The following SYNE4 variants were observed in gnomAD, a reference collection of about 807,000 sequenced individuals.
SYNE4 encodes spectrin repeat containing nuclear envelope family member 4, also known as nesprin-4.
Under a neutral mutation model 46.9 loss-of-function variants are expected in SYNE4, and 41 were observed. That is an observed-to-expected ratio of 0.87 (90% confidence interval 0.68 to 1.13). The LOEUF is 1.13. Among genes scored for constraint, SYNE4 ranks in the 50% most tolerant of loss-of-function variants. SYNE4 has a pLI of 0.00. For synonymous variants in SYNE4, 221 were observed against 219.5 expected (o/e 1.01, Z -0.06); for missense variants, 492 against 514.8 (o/e 0.96, Z 0.43).
At position 36,006,652 on chromosome 19, in the gene SYNE4, G is replaced by C; in HGVS notation, c.638C>G (p.Thr213Arg). ...CTCGACCTCCAAGTCCTGGTCCAGC[G>C]TGTTGGCCTCCTCGAACACCTGGGT... is the stretch of plus-strand genomic sequence containing the variant. ...SYSLVFEEAN[T>R]LDQDLEVEGD... Residue 213 changes from threonine (T) to arginine (R), a missense_variant, in exon 5 of 8, where the codon ACG becomes AGG. By Grantham distance (71) the Thr-to-Arg change is moderately conservative. Coordinates refer to ENST00000324444, the MANE Select transcript of SYNE4 (RefSeq NM_001039876.3). The C allele has an allele frequency of 6.2e-7, 1 of 1,603,300 alleles. No homozygotes were observed. Among genetic ancestry groups the C allele is most frequent in the Non-Finnish European group, 8.5e-7 (1 of 1,173,072 alleles).
chr19:36,006,605 G>C lies in SYNE4; in HGVS notation c.685C>G (p.Pro229Ala). Residue 229 changes from proline (P) to alanine (A), a missense_variant, in exon 5 of 8, where the codon CCT becomes GCT. By Grantham distance (27) the Pro-to-Ala change is conservative (BLOSUM62 -1). Transcript: ENST00000324444. ...GCCCAGGGCCCCCAGACCCCACCAG[G>C]TCCTGGCCAGTCCGAGTCTCCCTCG... ...EVEGDSDWPG[P>A]GGVWGPWAPS... 1 of 1,609,494 alleles carries C rather than the reference G, an allele frequency of 6.2e-7. No individual in the cohort carries two copies. Among genetic ancestry groups the C allele is most frequent in the Non-Finnish European group, 8.5e-7 (1 of 1,177,998 alleles).
Position 36,006,497 on chromosome 19 carries a change from T to C in SYNE4, c.793A>G (p.Thr265Ala), listed in dbSNP as rs1390130476. 1.2e-6 allele frequency: 2 copies of C among 1,611,590 alleles called. No homozygotes were observed. The highest frequency in any genetic ancestry group is 1.7e-6 in the Non-Finnish European group (2 of 1,179,006). Reference sequence around the variant, plus strand: ...CAGGGCACTCCTAGTGTCCGGGCTGTCTTTTGTCCCAAGGGCCCAAGGCCC... The same window carrying C: ...CAGGGCACTCCTAGTGTCCGGGCTGCCTTTTGTCCCAAGGGCCCAAGGCCC... ...IGGLGPLGQK[T>A]ARTLGVPCEL... The change falls in exon 5 of 8, where the codon ACA becomes GCA. Residue 265 changes from threonine to alanine, a missense_variant. By Grantham distance (58) the Thr-to-Ala change is moderately conservative (BLOSUM62 0). Coordinates refer to ENST00000324444, the MANE Select transcript of SYNE4 (RefSeq NM_001039876.3).
intron 5 of SYNE4, 115 bp downstream of exon 5, chr19:36,006,308 G>T: frequency 7.5e-7 from 1 of 1,339,538 alleles, no homozygotes; most frequent in Non-Finnish European, 1.0e-6. Context: ...GACAGAGATA[G>T]AGGGGGAGAC....
chr19:36,005,643 C>T, intron 5 of SYNE4: 6 of 549,692 alleles, frequency 1.1e-5, no homozygotes, highest in Non-Finnish European at 1.9e-5. Context: ...GTTCTAGGAG[C>T]TGAGGACACA....
chr19:36,005,469 T>C, intron 5 of SYNE4, 32 bp from the exon 6 acceptor site: 4 of 1,606,646 alleles, frequency 2.5e-6, no homozygotes, highest in Non-Finnish European at 3.4e-6. Flanking sequence ...AAAACGTGGT[T>C]GGGGGAGGGC....
chr19:36,004,228 G>T (rs1358751052), intron 6 of SYNE4, among the ~76,000 whole-genome samples: 1 of 152,158 alleles, frequency 6.6e-6, no homozygotes, highest in African/African-American at 2.4e-5. Flanking sequence ...TCACCATGTT[G>T]CTCAGGCTGG....
At chr19:36,008,145 T>A (rs1167727250) in intron 2 of SYNE4, 72 bp downstream of exon 2, 9 of 1,506,728 alleles carry the variant, frequency 6.0e-6, no homozygotes, top group Non-Finnish European at 4.4e-6. Flanking sequence ...CGGTCCTCAG[T>A]ATGGAGGCCA....
rs1184003675 is a variant in SYNE4, at chr19:36,007,126, T to C, written c.422A>G (p.Gln141Arg). 2 of 1,598,612 alleles carry C rather than the reference T, an allele frequency of 1.3e-6. No individual in the cohort carries two copies. Among genetic ancestry groups the C allele is most frequent in the Admixed American group, 1.7e-5 (1 of 58,404 alleles). The change falls in exon 3 of 8, where the codon CAG becomes CGG. Residue 141 changes from glutamine to arginine, a missense_variant and splice_region_variant. Gln to Arg is a conservative substitution (Grantham distance 43). Transcript: ENST00000324444. ...ALAQSGMVQL[Q>R]ALQVDLRGAA... ...CACATCCTGGCCTCTCCTGCCTACC[T>C]GCAGCTGCACCATCCCACTCTGGGC...
chr19:36,003,688 G>A lies in SYNE4; in HGVS notation c.973-17C>T. On this transcript the variant is annotated splice_polypyrimidine_tract_variant and intron_variant, in intron 6 of 7. Transcript: ENST00000324444. ...CTTCTTGTCCTAAGGAGGGAGAGCA[G>A]CCAGCAGCAGAATGGATAGAAATGA... 6.2e-7 allele frequency: 1 copy of A among 1,610,320 alleles called. No individual in the cohort carries two copies. Among genetic ancestry groups the A allele is most frequent in the Non-Finnish European group, 8.5e-7 (1 of 1,178,422 alleles).
intron 6 of SYNE4, among the ~76,000 whole-genome samples, chr19:36,004,282 CAA>C (rs1258480962): frequency 1.3e-5 from 2 of 152,224 alleles, no homozygotes; most frequent in African/African-American, 2.4e-5. Flanking sequence ...CTTGACCTCC[CAA>C]AGTGTTGGGA....
chr19:36,006,935 C>T lies in SYNE4; in HGVS notation c.433G>A (p.Val145Met), dbSNP rs1228651774. ...CGCTCAGCTGCCCCTCGTAGGTCCA[C>T]CTGGAGGGCCTGGGGACATATGGAC... ...SGMVQLQALQ[V>M]DLRGAAERVE... The change falls in exon 4 of 8, where the codon GTG becomes ATG. Residue 145 changes from valine (V) to methionine (M), a missense_variant. Physicochemically the swap from Val to Met is conservative, Grantham distance 21. Transcript: ENST00000324444. The T allele has an allele frequency of 1.3e-6, 2 of 1,547,288 alleles. No homozygotes were observed. Among genetic ancestry groups the T allele is most frequent in the Admixed American group, 2.0e-5 (1 of 50,634 alleles).
Position 36,008,357 on chromosome 19 carries a change from C to T in SYNE4, c.139G>A (p.Ala47Thr). Reference sequence around the variant, plus strand: ...AAGGAGTCCTGTCCCAGGGTCTGGGCCTGCTCTGGGCTAGGAGGCAGGGGG... The same window carrying T: ...AAGGAGTCCTGTCCCAGGGTCTGGGTCTGCTCTGGGCTAGGAGGCAGGGGG... ...SGEESTSPEQ[A>T]QTLGQDSLGP... The change falls in exon 2 of 8, where the codon GCC becomes ACC. Residue 47 changes from alanine to threonine, a missense_variant. Transcript: ENST00000324444. 3 of 1,560,610 alleles carry T rather than the reference C, an allele frequency of 1.9e-6. No individual in the cohort carries two copies. The highest frequency in any genetic ancestry group is 2.6e-6 in the Non-Finnish European group (3 of 1,150,996).
At position 36,008,737 on chromosome 19, in the gene SYNE4, C is replaced by T; in HGVS notation, c.-56G>A. ...GAGGGCAGCCAGTAAGACCTCTTCC[C>T]TAGACAAGGGTGTCCCAGAGCTCCT... On this transcript the variant is annotated 5_prime_UTR_variant, in exon 1 of 8. Coordinates refer to ENST00000324444, the MANE Select transcript of SYNE4 (RefSeq NM_001039876.3). The T allele has an allele frequency of 3.2e-6, 5 of 1,542,956 alleles. No homozygotes were observed. The highest frequency in any genetic ancestry group is 4.4e-6 in the Non-Finnish European group (5 of 1,145,528).
intron 2 of SYNE4, among the ~76,000 whole-genome samples, chr19:36,007,917 C>T (rs1395650643): frequency 1.3e-5 from 2 of 151,640 alleles, no homozygotes; most frequent in Non-Finnish European, 2.9e-5. Context: ...CCCAGCTACT[C>T]GGGTGGCTGA....
intron 5 of SYNE4, chr19:36,006,183 T>G (rs1599676916): frequency 6.2e-6 from 3 of 482,644 alleles, no homozygotes; most frequent in South Asian, 5.5e-5. Context: ...AGTCAGGAGG[T>G]GAGTGGGGCA....
chr19:36,003,552 G>C (rs1976745937), intron 7 of SYNE4, 32 bp from the exon 8 acceptor site: 1 of 1,600,518 alleles, frequency 6.2e-7, no homozygotes, highest in Admixed American at 1.7e-5. Context: ...TAAACATACA[G>C]GTGGGCTGCT....
In SYNE4 at chr19:36,008,778, G is replaced by T. The variant is rs966668788; in HGVS notation, c.-97C>A. 2 of 1,462,798 alleles carry T rather than the reference G, an allele frequency of 1.4e-6. No individual in the cohort carries two copies. Among genetic ancestry groups the T allele is most frequent in the African/African-American group, 2.8e-5 (2 of 70,956 alleles). The allele number at this position is 1,462,798 out of a possible 1,614,324, so 90.6% of individuals were successfully genotyped here. A position where few individuals can be genotyped will look rare whatever the true frequency, so the allele number is the denominator to read the frequency against. ...CAGAGCTCCTCCGCTGGAGTCACCC[G>T]GGCCTGAGGCTGCAGGAGAGGCCCA... On this transcript the variant is annotated 5_prime_UTR_variant, in exon 1 of 8. Transcript: ENST00000324444.
chr19:36,004,838 A>G (rs1161879885), intron 6 of SYNE4, among the ~76,000 whole-genome samples: 1 of 144,764 alleles, frequency 6.9e-6, no homozygotes, highest in African/African-American at 2.5e-5. Flanking sequence ...AAAGGGAGGG[A>G]CTGAGCCCTG....
At chr19:36,003,724 GTTTA>G (rs1312530334) in intron 6 of SYNE4, 53 bp from the exon 7 acceptor site, 4 of 1,579,850 alleles carry the variant, frequency 2.5e-6, no homozygotes, top group African/African-American at 2.7e-5. Flanking sequence ...TGCTTTATTT[GTTTA>G]TTTATTTTGA....
Sources: gnomAD v4.1 joint callset for allele counts (sites outside exome capture counted in the v4.1 genomes callset) on GRCh38, gnomAD v4.1.1 for gene constraint, MANE v1.5 for transcripts, NCBI Gene and HGNC (gene_info 2026-07-23, HGNC 2026-07-21) for gene names.